Variants in CNTN6 observed in about 807,000 individuals in gnomAD.
CNTN6 encodes the protein contactin-6.
Under a neutral mutation model 122.8 loss-of-function variants are expected in CNTN6, and 137 were observed. The ratio of observed to expected loss-of-function variants is 1.12; its 90% CI spans 0.97 to 1.29. CNTN6 has a LOEUF of 1.29. Among genes scored for constraint, CNTN6 ranks in the 50% most tolerant of loss-of-function variants. The probability of loss-of-function intolerance (pLI) is 0.00; values close to 1 mark genes in which losing one functional copy is unlikely to be tolerated. For synonymous variants in CNTN6, 570 were observed against 426.0 expected, an observed-to-expected ratio of 1.34 and a Z score of -4.16; for missense variants, 1,634 against 1,223.4, an observed-to-expected ratio of 1.34 and a Z score of -5.01.
rs75554372 is a variant in CNTN6 at position 1,269,290 on chromosome 3, C to T, written c.359-9123C>T. 7.6e-4 allele frequency among the ~76,000 whole-genome samples: 116 copies of T among 152,288 alleles called. 1 individual carries two copies. In the East Asian group the frequency reaches 0.021, roughly 28 times the overall value. ...TATAGATAGTCTGACCCTAAACTTG[C>T]ATTTTTGATCATTTTGTTCCATCAC... is the stretch of plus-strand genomic sequence containing the variant. On this transcript the variant is annotated intron_variant, in intron 4 of 22. Transcript: ENST00000446702.
chr3:1,169,751 T>C (rs2093325915), intron 2 of CNTN6, among the ~76,000 whole-genome samples: 1 of 152,234 alleles, frequency 6.6e-6, no homozygotes, highest in African/African-American at 2.4e-5. Flanking sequence ...CACTTCTCAC[T>C]ATGCTAATCA....
Position 1,374,064 on chromosome 3 carries a change from A to G in CNTN6, c.2086A>G (p.Lys696Glu). The G allele has an allele frequency of 6.2e-7, 1 of 1,612,504 alleles. No individual in the cohort carries two copies. Among genetic ancestry groups the G allele is most frequent in the South Asian group, 1.1e-5 (1 of 91,014 alleles). ...TGAACCATCAGAATTGTTAAGAACT[A>G]AAGCATCAGGTAAAGAATCAATGTG... ...PSEPSELLRT[K>E]ASVPVVAPVN... The change falls in exon 16 of 23, where the codon AAA becomes GAA. Residue 696 changes from lysine to glutamate, a missense_variant. Transcript: ENST00000446702.
rs191094158 is a variant in CNTN6, at chr3:1,287,682, A to G, written c.455-7919A>G. Among the ~76,000 whole-genome samples the G allele has an allele frequency of 1.2e-3, 166 of 136,276 alleles. 1 individual carries two copies. Among genetic ancestry groups the G allele is most frequent in the African/African-American group, 6.1e-3 (161 of 26,572 alleles). The allele number at this position is 136,276 out of a possible 152,430, so 89.4% of individuals were successfully genotyped here. On this transcript the variant is annotated intron_variant, in intron 5 of 22. Transcript: ENST00000446702. ...AAAACCCACCAAAACCAAGATGGTG[A>G]AAAAAGCTATCTCTAATCATCCACA... is the stretch of plus-strand genomic sequence containing the variant.
At chr3:1,101,878 A>G (rs2090915028) in intron 1 of CNTN6, among the ~76,000 whole-genome samples, 1 of 152,232 alleles carries the variant, frequency 6.6e-6, no homozygotes, top group Non-Finnish European at 1.5e-5. Context: ...GCAAATTCTT[A>G]AAATCTAGAG....
chr3:1,238,557 C>CAATG (rs375113253), intron 4 of CNTN6, among the ~76,000 whole-genome samples: 137 of 152,254 alleles, frequency 9.0e-4, no homozygotes, highest in Middle Eastern at 6.8e-3. Context: ...AACAAAGAAA[C>CAATG]AATGGACTTA....
At chr3:1,130,989 A>C (rs2092321198) in intron 1 of CNTN6, among the ~76,000 whole-genome samples, 1 of 152,164 alleles carries the variant, frequency 6.6e-6, no homozygotes, top group African/African-American at 2.4e-5. Context: ...TGGAATATTA[A>C]GAATGGCAAA....
intron 12 of CNTN6, among the ~76,000 whole-genome samples, chr3:1,366,456 A>G (rs1372950964): frequency 6.6e-6 from 1 of 152,144 alleles, no homozygotes; most frequent in Non-Finnish European, 1.5e-5. Flanking sequence ...TTAGGAAGTG[A>G]GTAGAATATA....
intron 4 of CNTN6, among the ~76,000 whole-genome samples, chr3:1,249,740 T>C (rs2125658686): frequency 6.6e-6 from 1 of 152,310 alleles, no homozygotes; most frequent in Non-Finnish European, 1.5e-5. Flanking sequence ...CTGTAATTCT[T>C]CCAGAAATCC....
chr3:1,108,288 C>T (rs757867232), intron 1 of CNTN6, among the ~76,000 whole-genome samples: 8 of 151,844 alleles, frequency 5.3e-5, no homozygotes, highest in Non-Finnish European at 1.2e-4. Flanking sequence ...TTGGAATATT[C>T]GCATATATAT....
intron 7 of CNTN6, among the ~76,000 whole-genome samples, chr3:1,310,091 A>T (rs924525396): frequency 2.1e-5 from 3 of 139,738 alleles, no homozygotes; most frequent in African/African-American, 3.3e-5. Context: ...CCTTCTTTTC[A>T]ATCTATATAC....
rs1036653736 is a variant in CNTN6 at position 1,369,178 on chromosome 3, T to C, written c.1493-3121T>C. On this transcript the variant is annotated intron_variant, in intron 12 of 22. Transcript: ENST00000446702. Reference sequence around the variant, plus strand: ...TTACCCAGCTCACTACTACTTGCCTTTTACTTCTCAGCGAAAACAGTTCTT... The same window carrying C: ...TTACCCAGCTCACTACTACTTGCCTCTTACTTCTCAGCGAAAACAGTTCTT... Among the ~76,000 whole-genome samples, 157 of 152,280 alleles carry C rather than the reference T, an allele frequency of 1.0e-3. 1 individual carries two copies. The highest frequency in any genetic ancestry group is 3.4e-3 in the African/African-American group (142 of 41,566).
intron 1 of CNTN6, among the ~76,000 whole-genome samples, chr3:1,122,772 G>A (rs1389056267): frequency 1.3e-5 from 2 of 151,824 alleles, no homozygotes; most frequent in Non-Finnish European, 2.9e-5. Flanking sequence ...TTCGGCGTGT[G>A]TCAGAACCTC....
chr3:1,239,693 CAA>C (rs1181149372), intron 4 of CNTN6, among the ~76,000 whole-genome samples: 1 of 151,946 alleles, frequency 6.6e-6, no homozygotes, highest in African/African-American at 2.4e-5. Context: ...TACATGGAAC[CAA>C]AAAAGAGCCC....
intron 12 of CNTN6, among the ~76,000 whole-genome samples, chr3:1,372,073 C>T (rs771117057): frequency 9.2e-5 from 14 of 151,956 alleles, no homozygotes; most frequent in South Asian, 2.1e-4. Context: ...AAACTATTTT[C>T]ATATAAGGTG....
At chr3:1,162,682 A>G (rs1035802974) in intron 2 of CNTN6, among the ~76,000 whole-genome samples, 1 of 152,262 alleles carries the variant, frequency 6.6e-6, no homozygotes, top group African/African-American at 2.4e-5. Context: ...TTGTTGTTGC[A>G]TAATGACATA....
intron 5 of CNTN6, among the ~76,000 whole-genome samples, chr3:1,292,765 T>C (rs1049929011): frequency 2.0e-5 from 3 of 152,156 alleles, no homozygotes; most frequent in Non-Finnish European, 4.4e-5. Context: ...AAAAAATGCA[T>C]AGCAATTTAA....
chr3:1,195,170 T>G (rs2093758548), intron 2 of CNTN6, among the ~76,000 whole-genome samples: 2 of 152,168 alleles, frequency 1.3e-5, no homozygotes, highest in South Asian at 4.1e-4. Context: ...TAGCCATTTC[T>G]AAGCCTTCTT....
rs1257847750 is a variant in CNTN6, at chr3:1,326,774, C to A, written c.1084-683C>A. ...GTTTCAGCATCAGTGAAATTTTCTT[C>A]CTGCATGCCTTTTGCATATAGCATT... On this transcript the variant is annotated intron_variant, in intron 9 of 22. Coordinates refer to ENST00000446702, the MANE Select transcript of CNTN6 (RefSeq NM_001289080.2). Among the ~76,000 whole-genome samples the A allele has an allele frequency of 2.0e-5, 3 of 151,914 alleles. No individual in the cohort carries two copies. The East Asian group carries it at 5.8e-4, about 29-fold the overall frequency.
chr3:1,389,926 T>C (rs370958296), intron 20 of CNTN6, among the ~76,000 whole-genome samples: 10 of 150,904 alleles, frequency 6.6e-5, no homozygotes, highest in Non-Finnish European at 1.5e-4. Flanking sequence ...CTGAGTGACC[T>C]ACAAAGAGAC....
Sources: gnomAD v4.1 joint callset for allele counts (sites outside exome capture counted in the v4.1 genomes callset) on GRCh38, gnomAD v4.1.1 for gene constraint, MANE v1.5 for transcripts, NCBI Gene and HGNC (gene_info 2026-07-23, HGNC 2026-07-21) for gene names.